The following PGM2L1 variants were observed in gnomAD, a reference collection of about 807,000 sequenced individuals.
PGM2L1 encodes the protein glucose 1,6-bisphosphate synthase.
PGM2L1 carries 35 observed loss-of-function variants against 73.4 expected under a neutral mutation model. The ratio of observed to expected loss-of-function variants is 0.48; its 90% CI spans 0.36 to 0.63. The LOEUF (loss-of-function observed/expected upper bound fraction) is 0.63, where lower values mean the gene tolerates loss of function less well. Ranked by LOEUF, PGM2L1 falls within the 30% of genes least tolerant of loss-of-function variation. The pLI, the probability that PGM2L1 is intolerant of heterozygous loss-of-function variation, is 0.00. For missense variants in PGM2L1, 570 were observed against 742.0 expected, an observed-to-expected ratio of 0.77 and a Z score of 2.69; for synonymous variants, 225 against 253.8, an observed-to-expected ratio of 0.89 and a Z score of 1.08.
intron 1 of PGM2L1, among the ~76,000 whole-genome samples, chr11:74,389,947 C>CAATAAAAAAA (rs1863070833): frequency 2.6e-5 from 1 of 38,572 alleles, no homozygotes; most frequent in East Asian, 7.1e-4. Flanking sequence ...ACTAAAAATA[C>CAATAAAAAAA]AAAAAAAAAA....
chr11:74,342,417 C>T (rs928346529), intron 12 of PGM2L1, 44 bp downstream of exon 12: 4 of 1,373,390 alleles, frequency 2.9e-6, no homozygotes, highest in Non-Finnish European at 3.9e-6. Context: ...TGACATGAGC[C>T]ATGAAATTTT....
At chr11:74,350,551 T>C (rs1862333605) in intron 6 of PGM2L1, among the ~76,000 whole-genome samples, 1 of 152,194 alleles carries the variant, frequency 6.6e-6, no homozygotes, top group Admixed American at 6.5e-5. Context: ...ACCATGACTA[T>C]GATCAATTTT....
At position 74,332,000 on chromosome 11, in the gene PGM2L1, A is replaced by G. The variant is rs1367540372; in HGVS notation, c.*4652T>C. On this transcript the variant is annotated 3_prime_UTR_variant, in exon 14 of 14. Coordinates refer to ENST00000298198, the MANE Select transcript of PGM2L1 (RefSeq NM_173582.6). ...AAAGAGGAAAGATGGTCTAATAAAT[A>G]TATAGTATGGTGAATACTTTAAGGT... 1.3e-5 allele frequency: 2 copies of G among 152,230 alleles called. No individual in the cohort carries two copies. Among genetic ancestry groups the G allele is most frequent in the African/African-American group, 4.8e-5 (2 of 41,458 alleles). 9.4% of individuals were successfully genotyped at this position (152,230 alleles called of 1,614,324 possible). A position where few individuals can be genotyped will look rare whatever the true frequency, so the allele number is the denominator to read the frequency against.
chr11:74,350,957 C>G (rs956066408), intron 6 of PGM2L1, among the ~76,000 whole-genome samples: 2 of 152,032 alleles, frequency 1.3e-5, no homozygotes, highest in Admixed American at 1.3e-4. Context: ...AACTCTATAA[C>G]CTATAGCTTC....
At chr11:74,370,294 G>C (rs1485252938) in intron 4 of PGM2L1, among the ~76,000 whole-genome samples, 1 of 152,078 alleles carries the variant, frequency 6.6e-6, no homozygotes. Context: ...TTGTACAGCT[G>C]TCTTTATAGC....
chr11:74,350,707 T>C (rs1862336484), intron 6 of PGM2L1, among the ~76,000 whole-genome samples: 2 of 152,150 alleles, frequency 1.3e-5, no homozygotes, highest in South Asian at 2.1e-4. Flanking sequence ...TGAAACCTTG[T>C]CTCTACTAAA....
At position 74,393,486 on chromosome 11, in the gene PGM2L1, G is replaced by A. The variant is rs779251839; in HGVS notation, c.111+4565C>T. 5.9e-5 allele frequency among the ~76,000 whole-genome samples: 9 copies of A among 152,162 alleles called. No individual in the cohort carries two copies. In the South Asian group the frequency reaches 1.9e-3, roughly 32 times the overall value. On this transcript the variant is annotated intron_variant, in intron 1 of 13. Coordinates refer to ENST00000298198, the MANE Select transcript of PGM2L1 (RefSeq NM_173582.6). Reference sequence around the variant, plus strand: ...CATCTTTTCTATCTGGGCTACATTAGGAGGCACAGAAAATCATGTGAGTGA... The same window carrying A: ...CATCTTTTCTATCTGGGCTACATTAAGAGGCACAGAAAATCATGTGAGTGA...
At chr11:74,362,579 AT>A (rs1862582513) in intron 5 of PGM2L1, among the ~76,000 whole-genome samples, 2 of 152,238 alleles carry the variant, frequency 1.3e-5, no homozygotes, top group African/African-American at 2.4e-5. Flanking sequence ...AAATGCTCCA[AT>A]TAAAAGACAC....
intron 1 of PGM2L1, among the ~76,000 whole-genome samples, chr11:74,390,758 T>A (rs1435663314): frequency 6.6e-6 from 1 of 152,198 alleles, no homozygotes; most frequent in Non-Finnish European, 1.5e-5. Context: ...AATAACTTGA[T>A]AACATGTACA....
At chr11:74,338,437 G>T in intron 13 of PGM2L1, 31 bp downstream of exon 13, 1 of 1,493,596 alleles carries the variant, frequency 6.7e-7, no homozygotes, top group Non-Finnish European at 9.1e-7. Flanking sequence ...TAAAGCTTTT[G>T]TATGTATATC....
Position 74,398,351 on chromosome 11 carries a change from G to A in PGM2L1, c.-190C>T. The A allele has an allele frequency of 5.9e-6, 5 of 850,362 alleles. No homozygotes were observed. Among genetic ancestry groups the A allele is most frequent in the Non-Finnish European group, 6.6e-6 (4 of 609,104 alleles). 52.7% of individuals were successfully genotyped at this position (850,362 alleles called of 1,614,324 possible). A position where few individuals can be genotyped will look rare whatever the true frequency, so the allele number is the denominator to read the frequency against. ...ACCGGGAGAGAGGGGGTTTATGGCCGCCTGCTCCCCAGCGGACCAGGTCCG... is the reference window on the plus strand; with the variant it reads ...ACCGGGAGAGAGGGGGTTTATGGCCACCTGCTCCCCAGCGGACCAGGTCCG... On this transcript the variant is annotated 5_prime_UTR_variant, in exon 1 of 14. Transcript: ENST00000298198.
chr11:74,370,167 C>T (rs565369778), intron 4 of PGM2L1, among the ~76,000 whole-genome samples: 106 of 152,092 alleles, frequency 7.0e-4, no homozygotes, highest in African/African-American at 2.3e-3. Flanking sequence ...TTTCCCTATA[C>T]ATTTTTAACC....
chr11:74,332,181 T>G lies in PGM2L1; in HGVS notation c.*4471A>C, dbSNP rs1335237589. The G allele has an allele frequency of 6.6e-6, 1 of 152,242 alleles. No individual in the cohort carries two copies. The highest frequency in any genetic ancestry group is 1.5e-5 in the Non-Finnish European group (1 of 68,038). 9.4% of individuals were successfully genotyped at this position (152,242 alleles called of 1,614,324 possible). A position where few individuals can be genotyped will look rare whatever the true frequency, so the allele number is the denominator to read the frequency against. ...AATGTGAATAAGATTTCCTTAGATC[T>G]TGTGCTTTGGCTCCCCAAGTACAAG... On this transcript the variant is annotated 3_prime_UTR_variant, in exon 14 of 14. Transcript: ENST00000298198.
chr11:74,334,059 C>T lies in PGM2L1; in HGVS notation c.*2593G>A, dbSNP rs1361510597. On this transcript the variant is annotated 3_prime_UTR_variant, in exon 14 of 14. Coordinates refer to ENST00000298198, the MANE Select transcript of PGM2L1 (RefSeq NM_173582.6). The stretch of plus-strand genomic sequence containing the variant: ...ATGTTAAGTATCATGCTCAGACAGA[C>T]TCATGACAGGCTAGAATAAAATAAT... 1.3e-5 allele frequency: 2 copies of T among 152,218 alleles called. No homozygotes were observed. The highest frequency in any genetic ancestry group is 4.8e-5 in the African/African-American group (2 of 41,464). 9.4% of individuals were successfully genotyped at this position (152,218 alleles called of 1,614,324 possible).
At chr11:74,372,130 TAA>T (rs10712477) in intron 2 of PGM2L1, among the ~76,000 whole-genome samples, 315 of 145,586 alleles carry the variant, frequency 2.2e-3, no homozygotes, top group Middle Eastern at 3.5e-3. Flanking sequence ...GTCAATAAGC[TAA>T]AAAAAAAAAA....
chr11:74,355,775 C>T (rs1029000992), intron 5 of PGM2L1: 18 of 464,866 alleles, frequency 3.9e-5, no homozygotes, highest in African/African-American at 1.8e-4. Flanking sequence ...AGAGAAGTGA[C>T]AGGGAAGCTA....
intron 1 of PGM2L1, among the ~76,000 whole-genome samples, chr11:74,382,060 T>C (rs528255993): frequency 4.4e-4 from 67 of 152,232 alleles, no homozygotes; most frequent in African/African-American, 1.6e-3. Flanking sequence ...CAAAACAAGA[T>C]ACCATTTTTT....
chr11:74,336,693 G>C lies in PGM2L1; in HGVS notation c.1828C>G (p.Leu610Val). The change falls in exon 14 of 14, where the codon CTT (leucine) becomes GTT (valine). Residue 610 changes from leucine to valine, a missense_variant. Coordinates refer to ENST00000298198, the MANE Select transcript of PGM2L1 (RefSeq NM_173582.6). ...KLIDALIENF[L>V]QPSKNGLIWR... Reference sequence around the variant, plus strand: ...ATCAGTCCATTCTTACTAGGCTGAAGAAAATTCTCTATCAGAGCATCAATG... The same window carrying C: ...ATCAGTCCATTCTTACTAGGCTGAACAAAATTCTCTATCAGAGCATCAATG... 2.5e-6 allele frequency: 4 copies of C among 1,613,018 alleles called. No homozygotes were observed. The highest frequency in any genetic ancestry group is 3.4e-6 in the Non-Finnish European group (4 of 1,179,332).
chr11:74,377,958 A>AG (rs1299606183), intron 1 of PGM2L1, among the ~76,000 whole-genome samples: 1 of 152,008 alleles, frequency 6.6e-6, no homozygotes, highest in East Asian at 1.9e-4. Context: ...AAAAAAAAAA[A>AG]AGAGGAGGAA....
Sources: allele counts gnomAD v4.1 joint callset (sites outside exome capture counted in the v4.1 genomes callset), GRCh38; gene constraint gnomAD v4.1.1; transcripts MANE v1.5; gene names NCBI Gene and HGNC (gene_info 2026-07-23, HGNC 2026-07-21).